The following CA1 variants were observed in gnomAD, a reference collection of about 807,000 sequenced individuals.
CA1 encodes the protein carbonate dehydratase I.
CA1 carries 27 observed loss-of-function variants against 28.8 expected under a neutral mutation model. The observed-to-expected ratio is 0.94, with a 90% CI of 0.69 to 1.29. CA1 has a LOEUF of 1.29. Ranked by LOEUF, CA1 falls within the 50% of genes most tolerant of loss-of-function variation. The pLI is 0.00. For synonymous variants in CA1, 121 were observed against 108.8 expected, an observed-to-expected ratio of 1.11 and a Z score of -0.70; for missense variants, 335 against 310.5, an observed-to-expected ratio of 1.08 and a Z score of -0.59.
intron 1 of CA1, among the ~76,000 whole-genome samples, chr8:85,356,466 A>G (rs1220460241): frequency 6.6e-6 from 1 of 152,186 alleles, no homozygotes; most frequent in Non-Finnish European, 1.5e-5. Flanking sequence ...AAATTGATAA[A>G]TGCAAGGTAC....
chr8:85,333,136 T>G (rs957994746), intron 5 of CA1, among the ~76,000 whole-genome samples: 43 of 152,190 alleles, frequency 2.8e-4, no homozygotes, highest in Non-Finnish European at 5.6e-4. Flanking sequence ...TTGATAAATT[T>G]CTGAATCTAT....
chr8:85,352,170 C>T (rs1809436246), intron 1 of CA1, among the ~76,000 whole-genome samples: 1 of 152,130 alleles, frequency 6.6e-6, no homozygotes, highest in African/African-American at 2.4e-5. Flanking sequence ...TTCAACCTAA[C>T]CTCAAGGGGT....
At chr8:85,337,972 T>C in intron 3 of CA1, 2 of 540,178 alleles carry the variant, frequency 3.7e-6, no homozygotes, top group Non-Finnish European at 6.7e-6. Flanking sequence ...AAATGCTGTT[T>C]ATTCAGAGAC....
In CA1 at chr8:85,329,793, A is replaced by C; in HGVS notation, c.565T>G (p.Ser189Ala). The C allele has an allele frequency of 6.2e-7, 1 of 1,603,686 alleles. No individual in the cohort carries two copies. Among genetic ancestry groups the C allele is most frequent in the Non-Finnish European group, 8.5e-7 (1 of 1,174,056 alleles). The change falls in exon 7 of 8, where the codon TCC (serine) becomes GCC (alanine). Residue 189 changes from serine to alanine, a missense_variant. Physicochemically the swap from Ser to Ala is moderately conservative, Grantham distance 99. Transcript: ENST00000523022. ...NFDPSTLLPS[S>A]LDFWTYPGSL... ...CCAGGGTAGGTCCAGAAATCCAGGG[A>C]TGAAGGAAGGAGAGTAGAGGGGTCA... is the stretch of plus-strand genomic sequence containing the variant.
At chr8:85,338,207 C>A (rs1205357384) in intron 3 of CA1, 45 bp downstream of exon 3, 8 of 1,497,066 alleles carry the variant, frequency 5.3e-6, no homozygotes, top group Non-Finnish European at 7.5e-6. Context: ...TAAATTTTCC[C>A]AGTAGACTGT....
chr8:85,353,436 A>G (rs1404255963), intron 1 of CA1, among the ~76,000 whole-genome samples: 1 of 152,240 alleles, frequency 6.6e-6, no homozygotes, highest in Admixed American at 6.5e-5. Flanking sequence ...TCATATATTT[A>G]AAGAGATATT....
At chr8:85,349,906 AAGCAAAATTATTTATTAGGGTCTTCAC>A (rs1415409239) in intron 1 of CA1, 1 of 152,154 alleles carries the variant, frequency 6.6e-6, no homozygotes, top group Non-Finnish European at 1.5e-5. Context: ...GAGGAGAAAA[AAGCAAAATTATTTATTAGGGTCTTCAC>A]AGCAAAATTT....
intron 2 of CA1, among the ~76,000 whole-genome samples, chr8:85,340,643 G>A (rs1017872145): frequency 6.6e-6 from 1 of 152,152 alleles, no homozygotes; most frequent in Non-Finnish European, 1.5e-5. Flanking sequence ...TCTGAGTAAA[G>A]GAAATGGAAG....
At chr8:85,348,919 G>T (rs1486535992) in intron 1 of CA1, among the ~76,000 whole-genome samples, 1 of 152,134 alleles carries the variant, frequency 6.6e-6, no homozygotes, top group East Asian at 1.9e-4. Context: ...CTTTAATGCA[G>T]CCAGGTGTTA....
intron 1 of CA1, among the ~76,000 whole-genome samples, chr8:85,357,330 C>A (rs1343809738): frequency 6.6e-6 from 1 of 152,136 alleles, no homozygotes; most frequent in Non-Finnish European, 1.5e-5. Context: ...GATCCAGACT[C>A]AAGTAGGCCT....
chr8:85,365,641 C>A (rs1809976214), intron 1 of CA1, among the ~76,000 whole-genome samples: 3 of 152,274 alleles, frequency 2.0e-5, no homozygotes, highest in Admixed American at 1.3e-4. Context: ...TGGTTGATTC[C>A]TTTTAAATCT....
At chr8:85,329,553 A>C (rs899660251) in intron 7 of CA1, 136 bp downstream of exon 7, 6 of 825,250 alleles carry the variant, frequency 7.3e-6, no homozygotes, top group Non-Finnish European at 1.2e-5. Flanking sequence ...ATGTCCCCAA[A>C]TTAATATTTT....
intron 1 of CA1, among the ~76,000 whole-genome samples, chr8:85,351,343 G>A (rs1809403268): frequency 1.3e-5 from 2 of 152,160 alleles, no homozygotes; most frequent in African/African-American, 4.8e-5. Flanking sequence ...CTTTGCTTAA[G>A]GATTCATGTC....
intron 1 of CA1, among the ~76,000 whole-genome samples, chr8:85,342,221 G>C (rs1371104649): frequency 6.6e-6 from 1 of 151,712 alleles, no homozygotes; most frequent in Non-Finnish European, 1.5e-5. Flanking sequence ...AGTCCATTTT[G>C]GAGCAATATT....
intron 1 of CA1, chr8:85,373,483 A>G (rs1810306012): frequency 6.6e-6 from 1 of 152,186 alleles, no homozygotes; most frequent in Non-Finnish European, 1.5e-5. Flanking sequence ...GTACAGTACA[A>G]TGCAATATTT....
At chr8:85,360,447 T>G (rs1241829357) in intron 1 of CA1, among the ~76,000 whole-genome samples, 2 of 152,138 alleles carry the variant, frequency 1.3e-5, no homozygotes, top group Non-Finnish European at 2.9e-5. Flanking sequence ...ATCCCAGCAC[T>G]TTGGGTGGTC....
At chr8:85,335,041 T>C (rs1564021971) in intron 4 of CA1, among the ~76,000 whole-genome samples, 1 of 152,000 alleles carries the variant, frequency 6.6e-6, no homozygotes, top group Non-Finnish European at 1.5e-5. Context: ...TCTGGCATAT[T>C]GTAGGTGTCC....
rs1271483301 is a variant in CA1 at position 85,351,655 on chromosome 8, C to G, written c.-24-9996G>C. On this transcript the variant is annotated intron_variant, in intron 1 of 7. Transcript: ENST00000523022. ...TTTTTCCATTTGGATGTAGCTGAGACTGACAGGGCAGGTGTCCGGCCTAAA... is the reference window on the plus strand; with the variant it reads ...TTTTTCCATTTGGATGTAGCTGAGAGTGACAGGGCAGGTGTCCGGCCTAAA... 2.0e-5 allele frequency: 3 copies of G among 152,178 alleles called. No individual in the cohort carries two copies. In the East Asian group the frequency reaches 5.8e-4, roughly 29 times the overall value. 9.4% of individuals were successfully genotyped at this position (152,178 alleles called of 1,614,324 possible).
rs778349792 is a variant in CA1, at chr8:85,332,560, T to C, written c.451-8A>G. The C allele has an allele frequency of 1.1e-5, 18 of 1,605,728 alleles. No homozygotes were observed. In the East Asian group the frequency reaches 4.0e-4, roughly 36 times the overall value. The stretch of plus-strand genomic sequence containing the variant: ...TGGGTTGGCCTCACCAACCTGGAGA[T>C]TTAAGAAAATAAAGTATGAGATAAA... On this transcript the variant is annotated splice_region_variant and splice_polypyrimidine_tract_variant and intron_variant, in intron 5 of 7. Coordinates refer to ENST00000523022, the MANE Select transcript of CA1 (RefSeq NM_001128831.4).
Sources: allele counts gnomAD v4.1 joint callset (sites outside exome capture counted in the v4.1 genomes callset), GRCh38; gene constraint gnomAD v4.1.1; transcripts MANE v1.5; gene names NCBI Gene and HGNC (gene_info 2026-07-23, HGNC 2026-07-21).